CDKL5: variants seen among roughly 807,000 people sequenced by gnomAD.
CDKL5 encodes cyclin-dependent kinase-like 5.
In CDKL5, 8 loss-of-function variants were observed where a neutral mutation model predicts 61.7. The observed-to-expected ratio is 0.13, with a 90% confidence interval of 0.08 to 0.23. The LOEUF (loss-of-function observed/expected upper bound fraction) is 0.23, where lower values mean the gene tolerates loss of function less well. CDKL5 is among the 10% of genes least tolerant of loss of function. The pLI is 1.00. For synonymous variants in CDKL5, 275 were observed against 272.3 expected (o/e 1.01, Z -0.10); for missense variants, 440 against 734.5 (o/e 0.60, Z 4.63).
chrX:18,572,068 C>T (rs1223403724), intron 4 of CDKL5, among the ~76,000 whole-genome samples: 1 of 111,522 alleles, frequency 9.0e-6, no homozygotes, highest in East Asian at 2.8e-4. Context: ...GGTTTAGGCT[C>T]ATAATCAATA....
chrX:18,502,910 G>T (rs1047603081), intron 1 of CDKL5, among the ~76,000 whole-genome samples: 2 of 111,088 alleles, frequency 1.8e-5, no homozygotes, highest in Non-Finnish European at 3.8e-5. Context: ...GCTTCTACTT[G>T]GAACTCTGCC....
At chrX:18,628,242 C>T (rs988163512) in intron 17 of CDKL5, 129 bp from the exon 18 acceptor site, 14 of 624,595 alleles carry the variant, frequency 2.2e-5, no homozygotes, top group Non-Finnish European at 3.8e-5. Context: ...ATGGCTGGAC[C>T]GGCTCCTCCT....
At chrX:18,460,276 G>C (rs1049008160) in intron 1 of CDKL5, among the ~76,000 whole-genome samples, 3 of 110,562 alleles carry the variant, frequency 2.7e-5, no homozygotes, top group East Asian at 2.9e-4. Context: ...GGTGCCGTAG[G>C]GGGGACCGTA....
At chrX:18,516,823 G>A (rs1483460281) in intron 3 of CDKL5, among the ~76,000 whole-genome samples, 3 of 111,687 alleles carry the variant, frequency 2.7e-5, no homozygotes, top group Non-Finnish European at 3.8e-5. Flanking sequence ...TGCAACCTCC[G>A]CCTCCTGGGT....
chrX:18,653,571 A>G (rs1166493339), exon 22 of CDKL5: 8 of 1,201,479 alleles, frequency 6.7e-6, no homozygotes, highest in South Asian at 1.8e-5. Context: ...GCTGGTCCCA[A>G]TGCCCTGAAT....
intron 15 of CDKL5, among the ~76,000 whole-genome samples, chrX:18,613,849 C>T (rs183938677): frequency 2.7e-3 from 301 of 112,059 alleles, no homozygotes; most frequent in Non-Finnish European, 4.5e-3. Context: ...ACCATAAAAG[C>T]ATAATGGTAA....
intron 1 of CDKL5, among the ~76,000 whole-genome samples, chrX:18,436,704 A>G (rs944063473): frequency 6.4e-5 from 7 of 108,883 alleles, no homozygotes; most frequent in African/African-American, 2.3e-4. Context: ...GTTTGAGACC[A>G]GCCTGGGCAA....
chrX:18,481,976 G>A (rs757259705), intron 1 of CDKL5, among the ~76,000 whole-genome samples: 2 of 110,765 alleles, frequency 1.8e-5, no homozygotes, highest in African/African-American at 6.6e-5. Flanking sequence ...CACTCACTGG[G>A]CATAGAGCTG....
chrX:18,653,365 G>A, intron 21 of CDKL5: 3 of 1,188,812 alleles, frequency 2.5e-6, no homozygotes, highest in Non-Finnish European at 3.4e-6. Context: ...CCGGGCATTA[G>A]CCAGAGTGCA....
At chrX:18,624,788 G>C (rs1162975425) in intron 16 of CDKL5, among the ~76,000 whole-genome samples, 2 of 111,908 alleles carry the variant, frequency 1.8e-5, no homozygotes, top group Non-Finnish European at 3.8e-5. Context: ...TATGGAATGA[G>C]GATACGACAG....
chrX:18,446,310 C>T (rs1931875769), intron 1 of CDKL5, among the ~76,000 whole-genome samples: 1 of 107,978 alleles, frequency 9.3e-6, no homozygotes, highest in African/African-American at 3.4e-5. Context: ...GAGACCACGC[C>T]ATTGCACTCC....
rs1466244434 is a variant in CDKL5, at chrX:18,630,611, A to G, written c.*1854A>G. 3 of 738,947 alleles carry G rather than the reference A, an allele frequency of 4.1e-6. No homozygotes were observed. In the East Asian group the frequency reaches 4.6e-4, roughly 113 times the overall value. 60.9% of individuals were successfully genotyped at this position (738,947 alleles called of 1,213,427 possible). The stretch of plus-strand genomic sequence containing the variant: ...TCCCTGAAGCTTAAATTGTGCACAT[A>G]TTGCATTTTTATATAAATACTATAA... On this transcript the variant is annotated 3_prime_UTR_variant, in exon 18 of 18. Transcript: ENST00000623535.
intron 3 of CDKL5, among the ~76,000 whole-genome samples, chrX:18,548,849 G>A (rs1321097943): frequency 3.6e-5 from 4 of 112,047 alleles, no homozygotes; most frequent in Admixed American, 2.8e-4. Flanking sequence ...TGTTAAGCTC[G>A]TGCCTGTTCT....
chrX:18,525,236 C>G (rs1446114327), intron 3 of CDKL5, among the ~76,000 whole-genome samples: 1 of 111,351 alleles, frequency 9.0e-6, no homozygotes, highest in African/African-American at 3.3e-5. Context: ...GTTGCAAGGA[C>G]TACAGGTACA....
At chrX:18,458,681 G>A (rs887387034) in intron 1 of CDKL5, among the ~76,000 whole-genome samples, 119 of 110,057 alleles carry the variant, frequency 1.1e-3, no homozygotes, top group African/African-American at 3.4e-3. Context: ...TTATTGCACC[G>A]CTGCATTCCA....
At position 18,613,109 on chromosome X, in the gene CDKL5, A is replaced by G. The variant is rs773304920; in HGVS notation, c.2153-43A>G. ...GACTCTGTCTAAAAAAAAAAAAAAAAAAAAAGAAAAGTCCATCAGTGACTT... is the reference window on the plus strand; with the variant it reads ...GACTCTGTCTAAAAAAAAAAAAAAAGAAAAAGAAAAGTCCATCAGTGACTT... On this transcript the variant is annotated intron_variant, in intron 14 of 17. Transcript: ENST00000623535. 4.9e-5 allele frequency: 53 copies of G among 1,075,841 alleles called. No homozygotes were observed. The South Asian group carries it at 6.4e-4, about 13-fold the overall frequency. 88.7% of individuals were successfully genotyped at this position (1,075,841 alleles called of 1,213,427 possible). A position where few individuals can be genotyped will look rare whatever the true frequency, so the allele number is the denominator to read the frequency against.
intron 3 of CDKL5, among the ~76,000 whole-genome samples, chrX:18,525,556 G>T (rs1433391152): frequency 3.6e-5 from 4 of 110,423 alleles, no homozygotes; most frequent in African/African-American, 1.3e-4. Context: ...TATCTTAAAG[G>T]GGAGTAGTAG....
At chrX:18,569,129 G>A (rs1293194947) in intron 4 of CDKL5, among the ~76,000 whole-genome samples, 1 of 112,014 alleles carries the variant, frequency 8.9e-6, no homozygotes, top group Non-Finnish European at 1.9e-5. Context: ...TAAAAAGGAA[G>A]AATGTTTGAG....
chrX:18,439,990 C>T (rs1242665699), intron 1 of CDKL5, among the ~76,000 whole-genome samples: 1 of 110,459 alleles, frequency 9.1e-6, no homozygotes, highest in Non-Finnish European at 1.9e-5. Context: ...TGACCCATAA[C>T]CTTTTTGCTG....
Sources: gnomAD v4.1 joint callset for allele counts (sites outside exome capture counted in the v4.1 genomes callset) on GRCh38, gnomAD v4.1.1 for gene constraint, MANE v1.5 for transcripts, NCBI Gene and HGNC (gene_info 2026-07-23, HGNC 2026-07-21) for gene names.